MAGI2: variants seen among roughly 807,000 people sequenced by gnomAD.
The protein encoded by MAGI2 is membrane-associated guanylate kinase, WW and PDZ domain-containing protein 2.
Under a neutral mutation model 133.3 loss-of-function variants are expected in MAGI2, and 35 were observed. The ratio of observed to expected loss-of-function variants is 0.26; its 90% CI spans 0.20 to 0.35. The LOEUF is 0.35. MAGI2 is among the 10% of genes least tolerant of loss of function. MAGI2 has a pLI of 1.00. For synonymous variants in MAGI2, 729 were observed against 710.6 expected, an observed-to-expected ratio of 1.03 and a Z score of -0.41; for missense variants, 1,636 against 1,863.4, an observed-to-expected ratio of 0.88 and a Z score of 2.25.
chr7:78,296,170 TTTA>T (rs1797217384), intron 9 of MAGI2, among the ~76,000 whole-genome samples: 1 of 152,152 alleles, frequency 6.6e-6, no homozygotes, highest in Admixed American at 6.5e-5. Context: ...AAATCCAAGT[TTTA>T]TTATTTTATT....
Position 78,019,486 on chromosome 7 carries a change from C to T in MAGI2, c.4197G>A (p.Ala1399=). The change falls in exon 22 of 22, where the codon GCG becomes GCA. Residue 1399 remains alanine, a synonymous_variant. Transcript: ENST00000354212. ...FAGPGGGGSG[A]LEAEGRAGAR... ...CACCCGCCCTGCCCTCGGCCTCCAG[C>T]GCGCCGCTGCCGCCGCCGCCCGGGC... 1.0e-6 allele frequency: 1 copy of T among 980,228 alleles called. No individual in the cohort carries two copies. The highest frequency in any genetic ancestry group is 1.2e-6 in the Non-Finnish European group (1 of 828,104). 60.7% of individuals were successfully genotyped at this position (980,228 alleles called of 1,614,324 possible).
intron 1 of MAGI2, among the ~76,000 whole-genome samples, chr7:79,180,223 A>G (rs1826489879): frequency 1.3e-5 from 2 of 152,056 alleles, no homozygotes; most frequent in Non-Finnish European, 2.9e-5. Context: ...ATCTTGCCCC[A>G]TTTAGAATAG....
chr7:78,760,980 G>C (rs1004405128), intron 2 of MAGI2, among the ~76,000 whole-genome samples: 1 of 152,158 alleles, frequency 6.6e-6, no homozygotes, highest in Non-Finnish European at 1.5e-5. Context: ...CAAGCTATAG[G>C]AGATAATTTC....
intron 1 of MAGI2, among the ~76,000 whole-genome samples, chr7:79,436,455 T>C (rs1848151615): frequency 6.6e-6 from 1 of 152,078 alleles, no homozygotes; most frequent in Non-Finnish European, 1.5e-5. Context: ...ACTATGTATC[T>C]GACAAAGGAC....
intron 6 of MAGI2, among the ~76,000 whole-genome samples, chr7:78,461,393 C>CGTGTGTGTGTGTGT (rs10654835): frequency 0.052 from 7,222 of 137,966 alleles, 194 homozygotes; most frequent in Admixed American, 0.097. Flanking sequence ...CGTGTGTGTG[C>CGTGTGTGTGTGTGT]GTGTGTGTGT....
chr7:78,566,092 G>C (rs1482248969), intron 3 of MAGI2, among the ~76,000 whole-genome samples: 2 of 152,182 alleles, frequency 1.3e-5, no homozygotes, highest in Non-Finnish European at 2.9e-5. Flanking sequence ...CAGGGGAATT[G>C]AGAAAGTCAG....
chr7:79,416,290 A>G (rs921363438), intron 1 of MAGI2, among the ~76,000 whole-genome samples: 5 of 152,130 alleles, frequency 3.3e-5, no homozygotes, highest in Non-Finnish European at 5.9e-5. Context: ...TGTTAGGAAC[A>G]TATACAAATG....
At chr7:78,208,325 A>G (rs1160875761) in intron 10 of MAGI2, among the ~76,000 whole-genome samples, 1 of 152,066 alleles carries the variant, frequency 6.6e-6, no homozygotes, top group Non-Finnish European at 1.5e-5. Context: ...AAGTAATCCC[A>G]ATGACTATCA....
intron 1 of MAGI2, among the ~76,000 whole-genome samples, chr7:79,110,761 C>T (rs1042195999): frequency 6.6e-6 from 1 of 152,090 alleles, no homozygotes; most frequent in African/African-American, 2.4e-5. Flanking sequence ...GATATCACCC[C>T]CAAATCTCAT....
intron 20 of MAGI2, among the ~76,000 whole-genome samples, chr7:78,102,135 T>C (rs1010738003): frequency 1.3e-5 from 2 of 152,108 alleles, no homozygotes; most frequent in Admixed American, 6.5e-5. Flanking sequence ...ATATCACTTA[T>C]ATGTGGAACC....
chr7:78,437,166 C>G (rs1019983919), intron 6 of MAGI2, among the ~76,000 whole-genome samples: 3 of 152,098 alleles, frequency 2.0e-5, no homozygotes, highest in Non-Finnish European at 2.9e-5. Context: ...AGAACATTCT[C>G]GTGGTGCTCA....
intron 1 of MAGI2, among the ~76,000 whole-genome samples, chr7:79,007,896 GT>G (rs138868147): frequency 1.3e-5 from 2 of 150,092 alleles, no homozygotes; most frequent in African/African-American, 2.4e-5. Flanking sequence ...AGAATGTAGG[GT>G]TTTTTTTTCC....
intron 9 of MAGI2, among the ~76,000 whole-genome samples, chr7:78,283,713 A>ATAAAG (rs1158302835): frequency 6.6e-6 from 1 of 152,094 alleles, no homozygotes; most frequent in Non-Finnish European, 1.5e-5. Context: ...CAGGTAACTG[A>ATAAAG]TAAAGTAATG....
intron 20 of MAGI2, among the ~76,000 whole-genome samples, chr7:78,088,459 T>C (rs10246094): frequency 0.74 from 112,195 of 152,034 alleles, 41,422 homozygotes; most frequent in East Asian, 0.78. Context: ...GCGGGGACAT[T>C]GGTTAGCTGG....
rs57776940 is a variant in MAGI2 at position 78,654,703 on chromosome 7, GTATATATATATATATATATATATATA to G, written c.419-27490_419-27465del. 7.2e-3 allele frequency among the ~76,000 whole-genome samples: 856 copies of G among 118,454 alleles called. 16 individuals are homozygous for G. The highest frequency in any genetic ancestry group is 0.026 in the African/African-American group (781 of 30,618). The allele number at this position is 118,454 out of a possible 152,430, so 77.7% of individuals were successfully genotyped here. On this transcript the variant is annotated intron_variant, in intron 2 of 21. Transcript: ENST00000354212. Reference sequence around the variant, plus strand: ...TATTTGTGTGTACTTTTACATATATGTATATATATATATATATATATATATATATATATATATATATATATAGCATA... The same window carrying G: ...TATTTGTGTGTACTTTTACATATATGTATATATATATATATATATAGCATA...
chr7:78,469,840 G>T (rs1464827369), intron 6 of MAGI2, among the ~76,000 whole-genome samples: 1 of 151,954 alleles, frequency 6.6e-6, no homozygotes, highest in Non-Finnish European at 1.5e-5. Flanking sequence ...TGTAATCATC[G>T]CAGGATGGGA....
intron 2 of MAGI2, among the ~76,000 whole-genome samples, chr7:78,766,021 T>C (rs1824989682): frequency 6.6e-6 from 1 of 152,188 alleles, no homozygotes; most frequent in Non-Finnish European, 1.5e-5. Context: ...GCTGTACGAA[T>C]CCAAGATCAA....
intron 1 of MAGI2, among the ~76,000 whole-genome samples, chr7:79,054,705 C>A (rs1812979817): frequency 6.6e-6 from 1 of 152,180 alleles, no homozygotes; most frequent in Admixed American, 6.5e-5. Flanking sequence ...CTCTGAAAAA[C>A]CAAACTTTAC....
intron 4 of MAGI2, among the ~76,000 whole-genome samples, chr7:78,520,983 A>G (rs1275511250): frequency 1.3e-5 from 2 of 152,196 alleles, no homozygotes; most frequent in Non-Finnish European, 2.9e-5. Context: ...ATCACATGAC[A>G]TAACCTCTAC....
Sources: gnomAD v4.1 joint callset for allele counts (sites outside exome capture counted in the v4.1 genomes callset) on GRCh38, gnomAD v4.1.1 for gene constraint, MANE v1.5 for transcripts, NCBI Gene and HGNC (gene_info 2026-07-23, HGNC 2026-07-21) for gene names.